GFER: variants seen among roughly 807,000 people sequenced by gnomAD.
GFER encodes FAD-linked sulfhydryl oxidase ALR.
Under a neutral mutation model 18.2 loss-of-function variants are expected in GFER, and 24 were observed. The ratio of observed to expected loss-of-function variants is 1.32; its 90% CI spans 0.96 to 1.86. The LOEUF (loss-of-function observed/expected upper bound fraction) is 1.86, where lower values mean the gene tolerates loss of function less well. GFER is among the 40% of genes most tolerant of loss of function. The pLI, the probability that GFER is intolerant of heterozygous loss-of-function variation, is 0.00. For synonymous variants in GFER, 138 were observed against 126.9 expected, an observed-to-expected ratio of 1.09 and a Z score of -0.59; for missense variants, 316 against 295.6, an observed-to-expected ratio of 1.07 and a Z score of -0.51.
At position 1,986,502 on chromosome 16, in the gene GFER, C is replaced by T. The variant is rs2083568479; in HGVS notation, c.*474C>T. On this transcript the variant is annotated 3_prime_UTR_variant, in exon 3 of 3. Transcript: ENST00000248114. ...TTAGGGGGCTCAATTCTCCACTCTG[C>T]TCAGTCCCTACAGGGAAAGCTCAGG... The T allele has an allele frequency of 7.2e-6, 2 of 278,122 alleles. No homozygotes were observed. The highest frequency in any genetic ancestry group is 4.8e-5 in the Admixed American group (1 of 20,700). 17.2% of individuals were successfully genotyped at this position (278,122 alleles called of 1,614,324 possible). A position where few individuals can be genotyped will look rare whatever the true frequency, so the allele number is the denominator to read the frequency against.
chr16:1,985,990 C>T lies in GFER; in HGVS notation c.580C>T (p.Arg194Cys), dbSNP rs780851934. The T allele has an allele frequency of 2.0e-5, 32 of 1,612,914 alleles. No homozygotes were observed. Among genetic ancestry groups the T allele is most frequent in the South Asian group, 1.2e-4 (11 of 91,088 alleles). Reference protein sequence around the residue: ...PDFDCSKVDERWRDGWKDGSC... With the variant: ...PDFDCSKVDECWRDGWKDGSC... ...CTTCGACTGCTCAAAAGTGGATGAGCGCTGGCGCGACGGCTGGAAGGATGG... is the reference window on the plus strand; with the variant it reads ...CTTCGACTGCTCAAAAGTGGATGAGTGCTGGCGCGACGGCTGGAAGGATGG... The change falls in exon 3 of 3, where the codon CGC (arginine) becomes TGC (cysteine). Residue 194 changes from arginine (R) to cysteine (C), a missense_variant. Physicochemically the swap from Arg to Cys is radical, Grantham distance 180. Coordinates refer to ENST00000248114, the MANE Select transcript of GFER (RefSeq NM_005262.3).
In GFER at chr16:1,986,900, T is replaced by C. The variant is rs537341501; in HGVS notation, c.*872T>C. 2 of 152,370 alleles carry C rather than the reference T, an allele frequency of 1.3e-5. No individual in the cohort carries two copies. Among genetic ancestry groups the C allele is most frequent in the Non-Finnish European group, 2.9e-5 (2 of 68,240 alleles). The allele number at this position is 152,370 out of a possible 1,614,324, so 9.4% of individuals were successfully genotyped here. ...CTGGGAGGCCAGACGGCACGAGGTC[T>C]CCAAGGCCCCAGCAAAGCCATGGCT... On this transcript the variant is annotated 3_prime_UTR_variant, in exon 3 of 3. Coordinates refer to ENST00000248114, the MANE Select transcript of GFER (RefSeq NM_005262.3).
At chr16:1,984,699 G>A (rs1328600903) in intron 1 of GFER, 48 bp from the exon 2 acceptor site, 1 of 1,539,878 alleles carries the variant, frequency 6.5e-7, no homozygotes, top group East Asian at 2.2e-5. Flanking sequence ...AGCTTTGGGC[G>A]CCTTTGTTCG....
chr16:1,984,401 C>T lies in GFER; in HGVS notation c.183C>T (p.Val61=), dbSNP rs955632773. The T allele has an allele frequency of 1.3e-6, 2 of 1,537,778 alleles. No individual in the cohort carries two copies. Among genetic ancestry groups the T allele is most frequent in the Non-Finnish European group, 1.7e-6 (2 of 1,145,930 alleles). Residue 61 remains valine, a synonymous_variant, in exon 1 of 3, where the codon GTC becomes GTT. Transcript: ENST00000248114. ...PAQAPTSDSP[V]AEDASRRRPC... The stretch of plus-strand genomic sequence containing the variant: ...AGGCGCCGACCTCCGATTCTCCTGT[C>T]GCCGAGGACGCCTCCCGGAGGCGGC...
intron 2 of GFER, among the ~76,000 whole-genome samples, chr16:1,985,417 G>A (rs1414083989): frequency 6.6e-6 from 1 of 152,176 alleles, no homozygotes; most frequent in Admixed American, 6.5e-5. Context: ...CTATAAGGCT[G>A]GTCAGTTAGA....
In GFER at chr16:1,984,427, C is replaced by A; in HGVS notation, c.209C>A (p.Pro70Gln). The A allele has an allele frequency of 6.5e-7, 1 of 1,545,970 alleles. No homozygotes were observed. Among genetic ancestry groups the A allele is most frequent in the Non-Finnish European group, 8.7e-7 (1 of 1,149,456 alleles). Residue 70 changes from proline (P) to glutamine (Q), a missense_variant, in exon 1 of 3, where the codon CCG becomes CAG. Coordinates refer to ENST00000248114, the MANE Select transcript of GFER (RefSeq NM_005262.3). ...GCCGAGGACGCCTCCCGGAGGCGGC[C>A]GTGCCGGGCCTGCGTCGACTTCAAG... Reference protein sequence around the residue: ...PVAEDASRRRPCRACVDFKTW... With the variant: ...PVAEDASRRRQCRACVDFKTW...
Position 1,986,847 on chromosome 16 carries a change from G to A in GFER, c.*819G>A, listed in dbSNP as rs1294994637. ...CAAGGACGTTGATTGGTTGGGGCAG[G>A]GGGGCCAGAGTAGCTGATGTAGGAG... On this transcript the variant is annotated 3_prime_UTR_variant, in exon 3 of 3. Coordinates refer to ENST00000248114, the MANE Select transcript of GFER (RefSeq NM_005262.3). The A allele has an allele frequency of 6.5e-6, 1 of 153,142 alleles. No homozygotes were observed. Among genetic ancestry groups the A allele is most frequent in the African/African-American group, 2.4e-5 (1 of 41,434 alleles). The allele number at this position is 153,142 out of a possible 1,614,324, so 9.5% of individuals were successfully genotyped here. A position where few individuals can be genotyped will look rare whatever the true frequency, so the allele number is the denominator to read the frequency against.
rs762295209 is a variant in GFER, at chr16:1,984,986, G to A, written c.455+43G>A. 11 of 1,432,812 alleles carry A rather than the reference G, an allele frequency of 7.7e-6. No individual in the cohort carries two copies. The African/African-American group carries it at 1.4e-4, about 18-fold the overall frequency. The allele number at this position is 1,432,812 out of a possible 1,614,324, so 88.8% of individuals were successfully genotyped here. On this transcript the variant is annotated intron_variant, in intron 2 of 2. Coordinates refer to ENST00000248114, the MANE Select transcript of GFER (RefSeq NM_005262.3). Reference sequence around the variant, plus strand: ...GCAGCAGAGCTTTGCACTGGAGCCTGGGCCTGGGGCTCCTGGCTGACGTTA... The same window carrying A: ...GCAGCAGAGCTTTGCACTGGAGCCTAGGCCTGGGGCTCCTGGCTGACGTTA...
At position 1,984,305 on chromosome 16, in the gene GFER, C is replaced by T. The variant is rs910026091; in HGVS notation, c.87C>T (p.Asp29=). 1 of 1,484,048 alleles carries T rather than the reference C, an allele frequency of 6.7e-7. No homozygotes were observed. The highest frequency in any genetic ancestry group is 2.3e-5 in the Admixed American group (1 of 43,084). The allele number at this position is 1,484,048 out of a possible 1,614,324, so 91.9% of individuals were successfully genotyped here. Residue 29 remains aspartate, a synonymous_variant, in exon 1 of 3, where the codon GAC becomes GAT. Coordinates refer to ENST00000248114, the MANE Select transcript of GFER (RefSeq NM_005262.3). ...PGGARSEMMD[D]LATDARGRGA... ...GCGCGCGCTCCGAGATGATGGACGACCTGGCGACCGACGCGCGGGGCCGGG... is the reference window on the plus strand; with the variant it reads ...GCGCGCGCTCCGAGATGATGGACGATCTGGCGACCGACGCGCGGGGCCGGG...
In GFER at chr16:1,985,975, T is replaced by G; in HGVS notation, c.565T>G (p.Ser189Ala). The change falls in exon 3 of 3, where the codon TCA becomes GCA. Residue 189 changes from serine (S) to alanine (A), a missense_variant. Physicochemically the swap from Ser to Ala is moderately conservative, Grantham distance 99 (BLOSUM62 1). Transcript: ENST00000248114. ...RKLGKPDFDC[S>A]KVDERWRDGW... ...GCTGGGCAAGCCTGACTTCGACTGC[T>G]CAAAAGTGGATGAGCGCTGGCGCGA... 6.2e-7 allele frequency: 1 copy of G among 1,613,076 alleles called. No homozygotes were observed. The highest frequency in any genetic ancestry group is 8.5e-7 in the Non-Finnish European group (1 of 1,180,002).
At chr16:1,985,003 C>G in intron 2 of GFER, 60 bp downstream of exon 2, 1 of 1,318,926 alleles carries the variant, frequency 7.6e-7, no homozygotes, top group Non-Finnish European at 1.1e-6. Flanking sequence ...GGGCTCCTGG[C>G]TGACGTTATA....
intron 1 of GFER, 51 bp from the exon 2 acceptor site, chr16:1,984,696 G>A (rs758618799): frequency 6.5e-7 from 1 of 1,534,470 alleles, no homozygotes; most frequent in South Asian, 1.1e-5. Flanking sequence ...GGGAGCTTTG[G>A]GCGCCTTTGT....
Position 1,984,265 on chromosome 16 carries a change from T to A in GFER, c.47T>A (p.Phe16Tyr), listed in dbSNP as rs2083547801. 2.0e-6 allele frequency: 3 copies of A among 1,479,738 alleles called. No individual in the cohort carries two copies. In the East Asian group the frequency reaches 8.5e-5, roughly 42 times the overall value. The allele number at this position is 1,479,738 out of a possible 1,614,324, so 91.7% of individuals were successfully genotyped here. Reference sequence around the variant, plus strand: ...GGCCGCTTCCACGGCGGGAACCTCTTCTTCCTGCCGGGGGGCGCGCGCTCC... The same window carrying A: ...GGCCGCTTCCACGGCGGGAACCTCTACTTCCTGCCGGGGGGCGCGCGCTCC... ...ERGRFHGGNLFFLPGGARSEM... is the reference protein window; with the variant it reads ...ERGRFHGGNLYFLPGGARSEM... The change falls in exon 1 of 3, where the codon TTC becomes TAC. Residue 16 changes from phenylalanine (F) to tyrosine (Y), a missense_variant. Transcript: ENST00000248114.
chr16:1,985,015 C>A, intron 2 of GFER, 72 bp downstream of exon 2: 2 of 1,210,892 alleles, frequency 1.7e-6, no homozygotes, highest in Non-Finnish European at 2.4e-6. Context: ...GACGTTATAG[C>A]GGGGAACGTA....
Position 1,986,210 on chromosome 16 carries a change from G to C in GFER, c.*182G>C. 1.5e-6 allele frequency: 1 copy of C among 674,316 alleles called. No homozygotes were observed. Among genetic ancestry groups the C allele is most frequent in the Non-Finnish European group, 2.6e-6 (1 of 377,488 alleles). The allele number at this position is 674,316 out of a possible 1,614,324, so 41.8% of individuals were successfully genotyped here. A position where few individuals can be genotyped will look rare whatever the true frequency, so the allele number is the denominator to read the frequency against. The stretch of plus-strand genomic sequence containing the variant: ...TGGAGCAGAAGTGGAGGTGCCCACA[G>C]CAGGTACCCACTGGCCCCCTCCTCA... On this transcript the variant is annotated 3_prime_UTR_variant, in exon 3 of 3. Transcript: ENST00000248114.
Position 1,984,528 on chromosome 16 carries a change from C to G in GFER, c.258+52C>G, listed in dbSNP as rs767070180. On this transcript the variant is annotated intron_variant, in intron 1 of 2. Coordinates refer to ENST00000248114, the MANE Select transcript of GFER (RefSeq NM_005262.3). ...AGCCCCGCGCAGCCCCTGTCCCCGC[C>G]CCCGCCCAGGTACCCCGGCAGAGCT... The G allele has an allele frequency of 2.0e-6, 3 of 1,532,604 alleles. No homozygotes were observed. In the South Asian group the frequency reaches 3.6e-5, roughly 18 times the overall value. The allele number at this position is 1,532,604 out of a possible 1,614,324, so 94.9% of individuals were successfully genotyped here. A position where few individuals can be genotyped will look rare whatever the true frequency, so the allele number is the denominator to read the frequency against.
intron 1 of GFER, 38 bp downstream of exon 1, chr16:1,984,514 GC>G: frequency 6.5e-7 from 1 of 1,545,174 alleles, no homozygotes. Context: ...GCCCCGCGCA[GC>G]CCCTGTCCCC....
At position 1,986,190 on chromosome 16, in the gene GFER, C is replaced by T; in HGVS notation, c.*162C>T. The stretch of plus-strand genomic sequence containing the variant: ...TGCCCTGCCCCTCTTAGGTTTGGAG[C>T]AGAAGTGGAGGTGCCCACAGCAGGT... On this transcript the variant is annotated 3_prime_UTR_variant, in exon 3 of 3. Coordinates refer to ENST00000248114, the MANE Select transcript of GFER (RefSeq NM_005262.3). The T allele has an allele frequency of 1.3e-6, 1 of 754,700 alleles. No individual in the cohort carries two copies. Among genetic ancestry groups the T allele is most frequent in the Non-Finnish European group, 2.3e-6 (1 of 441,648 alleles). The allele number at this position is 754,700 out of a possible 1,614,324, so 46.8% of individuals were successfully genotyped here.
intron 2 of GFER, 162 bp downstream of exon 2, chr16:1,985,105 T>G (rs1176273548): frequency 1.6e-5 from 11 of 682,614 alleles, no homozygotes; most frequent in Non-Finnish European, 2.7e-5. Flanking sequence ...TATCTGAGCC[T>G]CCTCCTCTCG....
Sources: gnomAD v4.1 joint callset for allele counts (sites outside exome capture counted in the v4.1 genomes callset) on GRCh38, gnomAD v4.1.1 for gene constraint, MANE v1.5 for transcripts, NCBI Gene and HGNC (gene_info 2026-07-23, HGNC 2026-07-21) for gene names.